Variants in TNFRSF10A observed in about 807,000 individuals in gnomAD.
The protein encoded by TNFRSF10A is TNF receptor superfamily member 10a.
In TNFRSF10A, 44 loss-of-function variants were observed where a neutral mutation model predicts 42.8. The observed-to-expected ratio is 1.03, with a 90% CI of 0.81 to 1.32. The LOEUF (loss-of-function observed/expected upper bound fraction) is 1.32, where lower values mean the gene tolerates loss of function less well. Ranked by LOEUF, TNFRSF10A falls within the 40% of genes most tolerant of loss-of-function variation. The probability of loss-of-function intolerance (pLI) is 0.00; values close to 1 mark genes in which losing one functional copy is unlikely to be tolerated. For synonymous variants in TNFRSF10A, 259 were observed against 234.2 expected (o/e 1.11, Z -0.97); for missense variants, 680 against 602.0 (o/e 1.13, Z -1.36).
At chr8:23,214,359 G>A (rs1219339362) in intron 1 of TNFRSF10A, among the ~76,000 whole-genome samples, 1 of 151,870 alleles carries the variant, frequency 6.6e-6, no homozygotes, top group Non-Finnish European at 1.5e-5. Flanking sequence ...GTGGTGGCGG[G>A]TGCCTGTAGT....
intron 1 of TNFRSF10A, among the ~76,000 whole-genome samples, chr8:23,216,306 T>C (rs1247608744): frequency 6.6e-6 from 1 of 152,226 alleles, no homozygotes; most frequent in Non-Finnish European, 1.5e-5. Flanking sequence ...GAGTCATTGA[T>C]TTTGATACCA....
At chr8:23,221,456 C>T (rs777114775) in intron 1 of TNFRSF10A, among the ~76,000 whole-genome samples, 6 of 152,128 alleles carry the variant, frequency 3.9e-5, no homozygotes, top group South Asian at 2.1e-4. Flanking sequence ...AAGAGAGAGA[C>T]GAGACGAGGT....
intron 9 of TNFRSF10A, among the ~76,000 whole-genome samples, chr8:23,194,326 A>C (rs1800794783): frequency 6.6e-6 from 1 of 152,224 alleles, no homozygotes; most frequent in Admixed American, 6.5e-5. Context: ...GCAATTTTCA[A>C]GTTCATGTGA....
intron 9 of TNFRSF10A, among the ~76,000 whole-genome samples, chr8:23,193,989 C>T (rs1044836202): frequency 3.3e-5 from 5 of 152,074 alleles, no homozygotes; most frequent in Admixed American, 1.3e-4. Flanking sequence ...GTGTTCTCTG[C>T]GATGCTGTTT....
chr8:23,199,851 C>T, intron 7 of TNFRSF10A, 35 bp downstream of exon 7: 1 of 1,614,160 alleles, frequency 6.2e-7, no homozygotes, highest in Non-Finnish European at 8.5e-7. Context: ...TTCCTGAGCC[C>T]CTGATGCCCC....
At chr8:23,209,773 C>A (rs1486240012) in intron 2 of TNFRSF10A, among the ~76,000 whole-genome samples, 1 of 152,184 alleles carries the variant, frequency 6.6e-6, no homozygotes, top group Non-Finnish European at 1.5e-5. Context: ...GCAGAAGGGA[C>A]TTGCTTTGTC....
chr8:23,217,542 G>C (rs1801201282), intron 1 of TNFRSF10A, among the ~76,000 whole-genome samples: 1 of 151,972 alleles, frequency 6.6e-6, no homozygotes, highest in Admixed American at 6.6e-5. Flanking sequence ...ACTAAAAATA[G>C]TACCTTAAAA....
chr8:23,203,450 T>C (rs538388136), intron 2 of TNFRSF10A, among the ~76,000 whole-genome samples: 3 of 152,210 alleles, frequency 2.0e-5, no homozygotes, highest in Non-Finnish European at 4.4e-5. Flanking sequence ...GCCTACCTCA[T>C]GCTGCCCTGG....
chr8:23,224,912 C>G lies in TNFRSF10A; in HGVS notation c.150G>C (p.Gly50=). 6.3e-7 allele frequency: 1 copy of G among 1,597,246 alleles called. No individual in the cohort carries two copies. The highest frequency in any genetic ancestry group is 1.7e-5 in the Admixed American group (1 of 57,996). ...TGGAGGTAGGGAGCGCTCCTCGGCC[C>G]CCGCCTCGTGGTTCAATCCTCCCCG... is the stretch of plus-strand genomic sequence containing the variant. ...SSAGRIEPRG[G]GRGALPTSMG... The change falls in exon 1 of 10, where the codon GGG becomes GGC. Residue 50 remains glycine, a synonymous_variant. Coordinates refer to ENST00000221132, the MANE Select transcript of TNFRSF10A (RefSeq NM_003844.4).
chr8:23,202,077 G>T (rs1800937176), intron 3 of TNFRSF10A, among the ~76,000 whole-genome samples, 158 bp from the exon 4 acceptor site: 1 of 152,156 alleles, frequency 6.6e-6, no homozygotes. Flanking sequence ...GGCTCACACA[G>T]GACACCCACC....
chr8:23,206,428 C>A (rs544713184), intron 2 of TNFRSF10A, among the ~76,000 whole-genome samples: 4 of 152,258 alleles, frequency 2.6e-5, no homozygotes, highest in African/African-American at 9.6e-5. Flanking sequence ...CTTTTTTAAC[C>A]TTTTATACCA....
intron 3 of TNFRSF10A, 33 bp from the exon 4 acceptor site, chr8:23,201,952 T>C (rs754370127): frequency 6.3e-7 from 1 of 1,593,912 alleles, no homozygotes; most frequent in Non-Finnish European, 8.6e-7. Context: ...TGGGAATGTG[T>C]TTCCCTGACG....
Position 23,199,253 on chromosome 8 carries a change from GT to G in TNFRSF10A, c.1014+12del. ...TGCCTACAAGGTCTTGGAGGGGCCTGTCCCCAACTCACCAGCAGACACTGTG... is the reference window on the plus strand; with the variant it reads ...TGCCTACAAGGTCTTGGAGGGGCCTGCCCCAACTCACCAGCAGACACTGTG... On this transcript the variant is annotated intron_variant, in intron 8 of 9. Transcript: ENST00000221132. The G allele has an allele frequency of 6.2e-7, 1 of 1,609,132 alleles. No homozygotes were observed. The highest frequency in any genetic ancestry group is 8.5e-7 in the Non-Finnish European group (1 of 1,176,088).
At chr8:23,198,113 C>A (rs761389728) in intron 8 of TNFRSF10A, among the ~76,000 whole-genome samples, 3 of 151,608 alleles carry the variant, frequency 2.0e-5, no homozygotes, top group Non-Finnish European at 4.4e-5. Context: ...AGATCATTGT[C>A]TAGATGAGCA....
chr8:23,196,811 C>T (rs1483096941), intron 9 of TNFRSF10A, among the ~76,000 whole-genome samples: 1 of 152,190 alleles, frequency 6.6e-6, no homozygotes, highest in Non-Finnish European at 1.5e-5. Flanking sequence ...GAGCTATTAG[C>T]CCACTGAAGT....
intron 1 of TNFRSF10A, among the ~76,000 whole-genome samples, chr8:23,220,084 C>G (rs1001867327): frequency 6.6e-6 from 1 of 152,188 alleles, no homozygotes; most frequent in African/African-American, 2.4e-5. Context: ...GTGCACCCTG[C>G]TCTTCCCTAC....
At chr8:23,202,977 T>G (rs1326048072) in intron 2 of TNFRSF10A, among the ~76,000 whole-genome samples, 1 of 152,076 alleles carries the variant, frequency 6.6e-6, no homozygotes, top group Non-Finnish European at 1.5e-5. Flanking sequence ...AAATTCAAAT[T>G]CTATGAGAGC....
At chr8:23,198,527 G>A (rs1294695316) in intron 8 of TNFRSF10A, among the ~76,000 whole-genome samples, 1 of 152,000 alleles carries the variant, frequency 6.6e-6, no homozygotes, top group Non-Finnish European at 1.5e-5. Context: ...TTCTCATAAA[G>A]ACTCTGAGAG....
chr8:23,215,054 A>G (rs1801156914), intron 1 of TNFRSF10A, among the ~76,000 whole-genome samples: 1 of 152,194 alleles, frequency 6.6e-6, no homozygotes, highest in Admixed American at 6.5e-5. Flanking sequence ...TTGTGGTTAT[A>G]CGGGAGAATG....
Sources: allele counts gnomAD v4.1 joint callset (sites outside exome capture counted in the v4.1 genomes callset), GRCh38; gene constraint gnomAD v4.1.1; transcripts MANE v1.5; gene names NCBI Gene and HGNC (gene_info 2026-07-23, HGNC 2026-07-21).